GPBP1L1: variants seen among roughly 807,000 people sequenced by gnomAD.
GPBP1L1 encodes vasculin-like protein 1.
In GPBP1L1, 23 loss-of-function variants were observed where a neutral mutation model predicts 52.5. That is an observed-to-expected ratio of 0.44 (90% CI 0.32 to 0.62). The LOEUF (loss-of-function observed/expected upper bound fraction) is 0.62, where lower values mean the gene tolerates loss of function less well. Ranked by LOEUF, GPBP1L1 falls within the 20% of genes least tolerant of loss-of-function variation. The probability of loss-of-function intolerance (pLI) is 0.06; values close to 1 mark genes in which losing one functional copy is unlikely to be tolerated. For missense variants in GPBP1L1, 596 were observed against 579.3 expected (o/e 1.03, Z -0.30); for synonymous variants, 243 against 203.1 (o/e 1.20, Z -1.67).
At chr1:45,629,490 A>G in intron 12 of GPBP1L1, 86 bp downstream of exon 12, 1 of 246,302 alleles carries the variant, frequency 4.1e-6, no homozygotes, top group South Asian at 6.1e-5. Context: ...TCTCACATTA[A>G]ACTTGCTCCC....
At chr1:45,685,882 C>T (rs1645274976) in intron 1 of GPBP1L1, among the ~76,000 whole-genome samples, 1 of 152,134 alleles carries the variant, frequency 6.6e-6, no homozygotes, top group African/African-American at 2.4e-5. Context: ...TGGTAGATAT[C>T]GGATAGACTC....
intron 6 of GPBP1L1, among the ~76,000 whole-genome samples, chr1:45,645,599 T>A (rs551377613): frequency 3.3e-5 from 5 of 152,332 alleles, no homozygotes; most frequent in African/African-American, 1.2e-4. Context: ...ATCATATAAC[T>A]ATCACATGCT....
intron 2 of GPBP1L1, among the ~76,000 whole-genome samples, chr1:45,673,467 T>G (rs536061414): frequency 6.6e-6 from 1 of 152,202 alleles, no homozygotes; most frequent in South Asian, 2.1e-4. Flanking sequence ...CCATACCCAA[T>G]TCCCCAAATG....
At chr1:45,679,978 G>C (rs1289214925) in intron 2 of GPBP1L1, among the ~76,000 whole-genome samples, 1 of 150,476 alleles carries the variant, frequency 6.6e-6, no homozygotes, top group Non-Finnish European at 1.5e-5. Flanking sequence ...CCAGGATGAA[G>C]CTGAGGTGGG....
chr1:45,661,712 C>T (rs1439197238), intron 2 of GPBP1L1, among the ~76,000 whole-genome samples: 1 of 152,154 alleles, frequency 6.6e-6, no homozygotes, highest in Non-Finnish European at 1.5e-5. Context: ...CTTGGCCTCC[C>T]AAAGTGCTGG....
intron 8 of GPBP1L1, 90 bp downstream of exon 8, chr1:45,640,120 G>T (rs2148437732): frequency 1.1e-6 from 1 of 947,110 alleles, no homozygotes; most frequent in Non-Finnish European, 1.6e-6. Flanking sequence ...GGTGACTGAT[G>T]CGGCAAGAAA....
At chr1:45,656,025 G>A (rs1644881011) in intron 4 of GPBP1L1, 1 of 152,196 alleles carries the variant, frequency 6.6e-6, no homozygotes, top group African/African-American at 2.4e-5. Flanking sequence ...TCCTGCCTTG[G>A]CCTCTCAAAG....
intron 12 of GPBP1L1, 122 bp downstream of exon 12, chr1:45,629,454 T>TACC: frequency 8.7e-6 from 1 of 115,396 alleles, no homozygotes; most frequent in South Asian, 9.7e-5. Flanking sequence ...ACTAAGGTAA[T>TACC]CCCCCCCCCC....
chr1:45,635,756 C>CCA (rs1457908624), intron 8 of GPBP1L1: 7 of 152,258 alleles, frequency 4.6e-5, no homozygotes, highest in Admixed American at 3.9e-4. Context: ...CTAGCTTGCT[C>CCA]CACTTCAGAA....
intron 2 of GPBP1L1, among the ~76,000 whole-genome samples, chr1:45,667,131 C>T (rs938971549): frequency 6.6e-6 from 1 of 152,132 alleles, no homozygotes; most frequent in African/African-American, 2.4e-5. Context: ...GGTTGCACAA[C>T]GCTGAGAATG....
chr1:45,648,204 T>C (rs778074111), intron 6 of GPBP1L1, among the ~76,000 whole-genome samples: 1 of 152,220 alleles, frequency 6.6e-6, no homozygotes, highest in Non-Finnish European at 1.5e-5. Context: ...CCTCCCAAAG[T>C]GCTGCAATCA....
chr1:45,635,524 C>G (rs980392057), intron 8 of GPBP1L1: 1 of 152,160 alleles, frequency 6.6e-6, no homozygotes, highest in Non-Finnish European at 1.5e-5. Flanking sequence ...TTACATAAAA[C>G]AGAATATCTA....
rs186366392 is a variant in GPBP1L1 at position 45,639,652 on chromosome 1, G to A, written c.744+558C>T. The stretch of plus-strand genomic sequence containing the variant: ...AGCACCTTGGGAGGCCGAGGCGGGC[G>A]GATCACGAGGTCAGGAGATTGAGAC... On this transcript the variant is annotated intron_variant, in intron 8 of 12. Coordinates refer to ENST00000355105, the MANE Select transcript of GPBP1L1 (RefSeq NM_021639.5). Among the ~76,000 whole-genome samples, 445 of 151,880 alleles carry A rather than the reference G, an allele frequency of 2.9e-3. 3 individuals are homozygous for A. Among genetic ancestry groups the A allele is most frequent in the East Asian group, 0.022 (111 of 5,156 alleles).
At chr1:45,671,100 A>G (rs946104262) in intron 2 of GPBP1L1, among the ~76,000 whole-genome samples, 1 of 151,264 alleles carries the variant, frequency 6.6e-6, no homozygotes, top group Admixed American at 6.6e-5. Context: ...GGACTACCAT[A>G]TGTCTTAACT....
chr1:45,639,749 C>T (rs1254959556), intron 8 of GPBP1L1, among the ~76,000 whole-genome samples: 25 of 151,892 alleles, frequency 1.6e-4, no homozygotes, highest in South Asian at 6.2e-4. Flanking sequence ...GGTGTGGTGG[C>T]GGGCGCCTGT....
chr1:45,683,005 C>A (rs1645229447), intron 2 of GPBP1L1, among the ~76,000 whole-genome samples: 1 of 151,876 alleles, frequency 6.6e-6, no homozygotes, highest in Admixed American at 6.6e-5. Context: ...GTTATTTTTC[C>A]CCTCATCTAT....
intron 2 of GPBP1L1, among the ~76,000 whole-genome samples, chr1:45,663,547 G>C (rs1644972657): frequency 1.3e-5 from 2 of 152,100 alleles, no homozygotes; most frequent in South Asian, 4.1e-4. Context: ...TCAAGAAGCT[G>C]GGATATCTGA....
At chr1:45,644,117 T>A (rs1422520195) in intron 6 of GPBP1L1, among the ~76,000 whole-genome samples, 3 of 152,150 alleles carry the variant, frequency 2.0e-5, no homozygotes, top group Non-Finnish European at 4.4e-5. Context: ...TGAGAACCAC[T>A]ACAATAGGAG....
At chr1:45,635,120 G>A (rs1302707740) in intron 8 of GPBP1L1, 1 of 152,098 alleles carries the variant, frequency 6.6e-6, no homozygotes, top group Non-Finnish European at 1.5e-5. Context: ...ACCAGGTGAT[G>A]GTCAGTCTGT....
Sources: gnomAD v4.1 joint callset for allele counts (sites outside exome capture counted in the v4.1 genomes callset) on GRCh38, gnomAD v4.1.1 for gene constraint, MANE v1.5 for transcripts, NCBI Gene and HGNC (gene_info 2026-07-23, HGNC 2026-07-21) for gene names.